Variants in MYO1G observed in about 807,000 individuals in gnomAD.
MYO1G encodes the protein unconventional myosin-Ig.
A neutral mutation model predicts 115.3 loss-of-function variants in MYO1G; 65 were observed. That is an observed-to-expected ratio of 0.56 (90% CI 0.46 to 0.69). The LOEUF is 0.69. Among genes scored for constraint, MYO1G ranks in the 30% least tolerant of loss-of-function variants. The pLI is 0.00. For missense variants in MYO1G, 1,204 were observed against 1,393.5 expected (o/e 0.86, Z 2.16); for synonymous variants, 510 against 552.6 (o/e 0.92, Z 1.08).
rs1794920321 is a variant in MYO1G, at chr7:44,969,848, C to T, written c.1360G>A (p.Val454Met). Reference sequence around the variant, plus strand: ...CGGTGGGGCCGCTCCACCAGATCCACAATGGTGGCGTTGTTGAAATACTCA... The same window carrying T: ...CGGTGGGGCCGCTCCACCAGATCCATAATGGTGGCGTTGTTGAAATACTCA... ...SVEYFNNATI[V>M]DLVERPHRGI... The change falls in exon 11 of 22, where the codon GTG becomes ATG. Residue 454 changes from valine to methionine, a missense_variant. Coordinates refer to ENST00000258787, the MANE Select transcript of MYO1G (RefSeq NM_033054.3). The surrounding 1 kb of genome is among the most constrained non-coding windows in gnomAD (Gnocchi z 5.0). The T allele has an allele frequency of 2.5e-6, 4 of 1,611,186 alleles. No individual in the cohort carries two copies. The African/African-American group carries it at 5.3e-5, about 21-fold the overall frequency.
At chr7:44,975,134 C>A in intron 5 of MYO1G, 40 bp downstream of exon 5, 1 of 1,608,242 alleles carries the variant, frequency 6.2e-7, no homozygotes, top group South Asian at 1.1e-5. Context: ...CTCCCTTTCC[C>A]CACCCCATTT....
chr7:44,976,213 T>C (rs1795046754), intron 3 of MYO1G, among the ~76,000 whole-genome samples: 1 of 152,210 alleles, frequency 6.6e-6, no homozygotes, highest in Non-Finnish European at 1.5e-5. Context: ...GCCTGCCAGC[T>C]TCTCCAGGTT....
intron 16 of MYO1G, 100 bp downstream of exon 16, chr7:44,965,973 A>G (rs767955840): frequency 1.9e-5 from 30 of 1,547,598 alleles, no homozygotes; most frequent in Admixed American, 8.5e-5. Flanking sequence ...GTCTCCATCA[A>G]GCAGAGACTC....
In MYO1G at chr7:44,971,785, A is replaced by G. The variant is rs1334213413; in HGVS notation, c.734T>C (p.Leu245Ser). Residue 245 changes from leucine to serine, a missense_variant, in exon 7 of 22, where the codon TTG becomes TCG. Coordinates refer to ENST00000258787, the MANE Select transcript of MYO1G (RefSeq NM_033054.3). Reference sequence around the variant, plus strand: ...CTGGTGGCTCTGCTCATCACTGTCCAAGGCCTAGGGTAGAAGGGATTCATC... The same window carrying G: ...CTGGTGGCTCTGCTCATCACTGTCCGAGGCCTAGGGTAGAAGGGATTCATC... Reference protein sequence around the residue: ...AGLNMTVHSALDSDEQSHQAV... With the variant: ...AGLNMTVHSASDSDEQSHQAV... 6.4e-7 allele frequency: 1 copy of G among 1,555,266 alleles called. No individual in the cohort carries two copies. The highest frequency in any genetic ancestry group is 8.7e-7 in the Non-Finnish European group (1 of 1,148,394).
At chr7:44,975,272 G>T in intron 4 of MYO1G, 45 bp from the exon 5 acceptor site, 1 of 1,604,590 alleles carries the variant, frequency 6.2e-7, no homozygotes, top group Non-Finnish European at 8.5e-7. Flanking sequence ...GAAGGAGTCT[G>T]ACCCTGGGGA....
At chr7:44,968,181 T>C (rs568432034) in intron 12 of MYO1G, among the ~76,000 whole-genome samples, 3 of 152,320 alleles carry the variant, frequency 2.0e-5, no homozygotes, top group South Asian at 4.1e-4. Flanking sequence ...TCCTGGAAGA[T>C]GAATCGAGTG....
At chr7:44,967,548 CGAGGGCACA>C (rs1332895828) in intron 14 of MYO1G, 48 bp downstream of exon 14, 7 of 1,606,708 alleles carry the variant, frequency 4.4e-6, no homozygotes, top group Non-Finnish European at 6.0e-6. Flanking sequence ...TACTTGGCAC[CGAGGGCACA>C]GAGAGAAGGA....
chr7:44,973,708 C>A lies in MYO1G; in HGVS notation c.618+1466G>T, dbSNP rs558119442. 2.3e-3 allele frequency: 338 copies of A among 149,590 alleles called. 1 individual carries two copies. Among genetic ancestry groups the A allele is most frequent in the African/African-American group, 7.5e-3 (305 of 40,564 alleles). The allele number at this position is 149,590 out of a possible 1,614,324, so 9.3% of individuals were successfully genotyped here. ...CCCTGGCAACGTCCCAGGGAGCAAT[C>A]CCCTCAGCCAGGAGCTCAGAGTCAT... On this transcript the variant is annotated intron_variant, in intron 5 of 21. Transcript: ENST00000258787.
chr7:44,977,081 G>C lies in MYO1G; in HGVS notation c.96-10C>G. ...GCGGCCCTTCTCGAACCTGGACACAGCAGGGGTAGGCCTCAGCACTCACAG... is the reference window on the plus strand; with the variant it reads ...GCGGCCCTTCTCGAACCTGGACACACCAGGGGTAGGCCTCAGCACTCACAG... On this transcript the variant is annotated splice_polypyrimidine_tract_variant and intron_variant, in intron 1 of 21. Coordinates refer to ENST00000258787, the MANE Select transcript of MYO1G (RefSeq NM_033054.3). 6.2e-7 allele frequency: 1 copy of C among 1,611,386 alleles called. No homozygotes were observed. Among genetic ancestry groups the C allele is most frequent in the Non-Finnish European group, 8.5e-7 (1 of 1,179,242 alleles).
Position 44,964,573 on chromosome 7 carries a change from G to A in MYO1G, c.2527-54C>T, listed in dbSNP as rs2128700949. 7.4e-7 allele frequency: 1 copy of A among 1,356,000 alleles called. No homozygotes were observed. The highest frequency in any genetic ancestry group is 1.2e-5 in the South Asian group (1 of 85,674). The allele number at this position is 1,356,000 out of a possible 1,614,324, so 84.0% of individuals were successfully genotyped here. On this transcript the variant is annotated intron_variant, in intron 18 of 21. Transcript: ENST00000258787. This position sits in a 1 kb window ranked among gnomAD's most constrained non-coding sequence, Gnocchi z 5.1. ...TGCTTGGGATTGAGTCATGGGACCA[G>A]ACTCAATTGATAGCAGCTGTCTGTG...
At chr7:44,973,109 C>T (rs1334970180) in intron 5 of MYO1G, 2 of 152,138 alleles carry the variant, frequency 1.3e-5, no homozygotes, top group African/African-American at 2.4e-5. Flanking sequence ...CCGTGAGGAG[C>T]TCAGAGACCA....
chr7:44,967,575 C>T lies in MYO1G; in HGVS notation c.1782+30G>A, dbSNP rs769149316. ...AGGGCACAGAGAGAAGGATCCGGAA[C>T]AGCCAGAGTGGGAGAGGGGTGGAAC... On this transcript the variant is annotated intron_variant, in intron 14 of 21. Coordinates refer to ENST00000258787, the MANE Select transcript of MYO1G (RefSeq NM_033054.3). 2.5e-6 allele frequency: 4 copies of T among 1,613,036 alleles called. No homozygotes were observed. The South Asian group carries it at 4.4e-5, about 18-fold the overall frequency.
chr7:44,971,205 C>T (rs1794952472), intron 7 of MYO1G, 146 bp from the exon 8 acceptor site: 1 of 723,926 alleles, frequency 1.4e-6, no homozygotes, highest in Non-Finnish European at 2.3e-6. Flanking sequence ...AGCTGCTCAC[C>T]ATGGGCACAG....
chr7:44,967,563 A>G (rs540392105), intron 14 of MYO1G, 42 bp downstream of exon 14: 2 of 1,611,754 alleles, frequency 1.2e-6, no homozygotes, highest in African/African-American at 2.7e-5. Flanking sequence ...GCACAGAGAG[A>G]AGGATCCGGA....
rs1794800903 is a variant in MYO1G at position 44,964,346 on chromosome 7, G to C, written c.2631+69C>G. On this transcript the variant is annotated intron_variant, in intron 19 of 21. Coordinates refer to ENST00000258787, the MANE Select transcript of MYO1G (RefSeq NM_033054.3). The surrounding 1 kb of genome is among the most constrained non-coding windows in gnomAD (Gnocchi z 5.1). ...AGTGCCCCCCCAAAACTCTGCACCAGCTTCTAACCTTGCAGACGTGGCTAG... is the reference window on the plus strand; with the variant it reads ...AGTGCCCCCCCAAAACTCTGCACCACCTTCTAACCTTGCAGACGTGGCTAG... The C allele has an allele frequency of 1.1e-5, 17 of 1,486,700 alleles. No homozygotes were observed. The highest frequency in any genetic ancestry group is 1.6e-5 in the Non-Finnish European group (17 of 1,065,448). The allele number at this position is 1,486,700 out of a possible 1,614,324, so 92.1% of individuals were successfully genotyped here. A position where few individuals can be genotyped will look rare whatever the true frequency, so the allele number is the denominator to read the frequency against.
At position 44,968,026 on chromosome 7, in the gene MYO1G, A is replaced by T. The variant is rs895508352; in HGVS notation, c.1575-68T>A. ...GCCAGGCCAGAGTGCTAATGACCCC[A>T]GCAGCCCCCACTCTCTTCCCATCTG... On this transcript the variant is annotated intron_variant, in intron 12 of 21. Transcript: ENST00000258787. 39 of 1,311,382 alleles carry T rather than the reference A, an allele frequency of 3.0e-5. No individual in the cohort carries two copies. The Middle Eastern group carries it at 5.5e-4, about 18-fold the overall frequency. The allele number at this position is 1,311,382 out of a possible 1,614,324, so 81.2% of individuals were successfully genotyped here.
At position 44,965,746 on chromosome 7, in the gene MYO1G, G is replaced by A. The variant is rs752438917; in HGVS notation, c.2272C>T (p.Arg758Ter). ...GGCGGCTGCCTTGCAGCCTGGAATCGCCGCTGCAGCTCAGCCAGGTGAGCC... is the reference window on the plus strand; with the variant it reads ...GGCGGCTGCCTTGCAGCCTGGAATCACCGCTGCAGCTCAGCCAGGTGAGCC... The part of the protein sequence containing the change: ...VRAHLAELQR[R>*]FQAARQPPLY... The change falls in exon 17 of 22, where the codon CGA becomes TGA. Residue 758 changes from arginine to a stop codon, truncating the protein, a stop_gained. Coordinates refer to ENST00000258787, the MANE Select transcript of MYO1G (RefSeq NM_033054.3). LOFTEE classifies it high-confidence loss of function. 26 of 1,609,982 alleles carry A rather than the reference G, an allele frequency of 1.6e-5. No homozygotes were observed. Among genetic ancestry groups the A allele is most frequent in the African/African-American group, 5.3e-5 (4 of 74,860 alleles).
chr7:44,966,130 G>T lies in MYO1G; in HGVS notation c.2100C>A (p.Val700=). ...KLFIRSPRTL[V]TLEQSRARLI... ...GGCGGGCTCGGCTCTGCTCCAGTGT[G>T]ACCAGTGTCCGGGGTGAGCGGATGA... The change falls in exon 16 of 22, where the codon GTC becomes GTA. Residue 700 remains valine (V), a synonymous_variant. Transcript: ENST00000258787. The surrounding 1 kb of genome is among the most constrained non-coding windows in gnomAD (Gnocchi z 5.0). 1 of 1,613,084 alleles carries T rather than the reference G, an allele frequency of 6.2e-7. No individual in the cohort carries two copies.
chr7:44,977,607 C>T lies in MYO1G; in HGVS notation c.96-536G>A, dbSNP rs79225267. 9.2e-3 allele frequency among the ~76,000 whole-genome samples: 1,397 copies of T among 152,292 alleles called. 67 individuals are homozygous for T. The highest frequency in any genetic ancestry group is 0.062 in the East Asian group (321 of 5,178). On this transcript the variant is annotated intron_variant, in intron 1 of 21. Transcript: ENST00000258787. ...TGTCGTTGTCTTTACACCCCCGACC[C>T]CCCAGCCTGTGGCCAGTGGCTGCTG...
Sources: gnomAD v4.1 joint callset for allele counts (sites outside exome capture counted in the v4.1 genomes callset) on GRCh38, gnomAD v4.1.1 for gene constraint, Gnocchi (gnomAD v3.1) non-coding constraint, MANE v1.5 for transcripts, NCBI Gene and HGNC (gene_info 2026-07-23, HGNC 2026-07-21) for gene names.